Variants in PCDHGA5 observed in about 807,000 individuals in gnomAD.
PCDHGA5 encodes the protein protocadherin gamma-A5.
A neutral mutation model predicts 56.7 loss-of-function variants in PCDHGA5; 36 were observed. The observed-to-expected ratio is 0.64, with a 90% CI of 0.49 to 0.84. The LOEUF is 0.84. Among genes scored for constraint, PCDHGA5 ranks in the 40% least tolerant of loss-of-function variants. PCDHGA5 has a pLI of 0.00. For synonymous variants in PCDHGA5, 563 were observed against 520.2 expected, an observed-to-expected ratio of 1.08 and a Z score of -1.12; for missense variants, 1,305 against 1,201.5, an observed-to-expected ratio of 1.09 and a Z score of -1.27.
intron 1 of PCDHGA5, chr5:141,409,879 A>G (rs1175297210): frequency 1.9e-6 from 3 of 1,612,734 alleles, no homozygotes; most frequent in African/African-American, 2.7e-5. Flanking sequence ...ATGACAACGC[A>G]CCGCGGGTGC....
At chr5:141,453,351 C>A (rs1210851703) in intron 1 of PCDHGA5, among the ~76,000 whole-genome samples, 2 of 151,738 alleles carry the variant, frequency 1.3e-5, no homozygotes, top group Non-Finnish European at 2.9e-5. Flanking sequence ...CCAGGCTGAC[C>A]CTGAACTCCT....
chr5:141,456,984 C>G (rs374156327), intron 1 of PCDHGA5, among the ~76,000 whole-genome samples: 1 of 152,200 alleles, frequency 6.6e-6, no homozygotes, highest in East Asian at 1.9e-4. Flanking sequence ...AACAAACAAA[C>G]AAACAAAAAC....
chr5:141,497,960 C>T (rs946836523), intron 2 of PCDHGA5, among the ~76,000 whole-genome samples: 24 of 152,202 alleles, frequency 1.6e-4, no homozygotes, highest in African/African-American at 5.8e-4. Flanking sequence ...GTTGGCCAGG[C>T]AGTGTTCTCG....
chr5:141,421,222 C>G, intron 1 of PCDHGA5: 2 of 1,576,946 alleles, frequency 1.3e-6, no homozygotes, highest in Non-Finnish European at 1.7e-6. Flanking sequence ...CGGCTTAGAG[C>G]CTGCCATGGC....
At chr5:141,410,535 A>T (rs2095405545) in intron 1 of PCDHGA5, 9 of 1,613,752 alleles carry the variant, frequency 5.6e-6, no homozygotes, top group Non-Finnish European at 7.6e-6. Context: ...TCCAATGAAG[A>T]CATGGTTTGC....
intron 1 of PCDHGA5, chr5:141,415,810 T>C: frequency 7.4e-7 from 1 of 1,360,418 alleles, no homozygotes; most frequent in Non-Finnish European, 9.5e-7. Context: ...AATCAAGGCC[T>C]ATATATCATA....
At position 141,431,374 on chromosome 5, in the gene PCDHGA5, G is replaced by T. The variant is rs1561851775; in HGVS notation, c.2422-63433G>T. On this transcript the variant is annotated intron_variant, in intron 1 of 3. Coordinates refer to ENST00000518069, the MANE Select transcript of PCDHGA5 (RefSeq NM_018918.3). The surrounding 1 kb of genome is among the most constrained non-coding windows in gnomAD (Gnocchi z 4.8). ...AACGCGCCCTGGACCGCGAAGAAAA[G>T]GCTGCTCACCACCTGGTCCTTACGG... 1.9e-6 allele frequency: 3 copies of T among 1,613,862 alleles called. No individual in the cohort carries two copies. Among genetic ancestry groups the T allele is most frequent in the Non-Finnish European group, 2.5e-6 (3 of 1,180,044 alleles).
intron 1 of PCDHGA5, chr5:141,384,793 C>T (rs1780512284): frequency 1.9e-6 from 3 of 1,613,400 alleles, no homozygotes; most frequent in Non-Finnish European, 2.5e-6. Flanking sequence ...GGCTCGGGCC[C>T]TGCTGGACAG....
At chr5:141,413,181 C>T in intron 1 of PCDHGA5, 8 of 1,602,880 alleles carry the variant, frequency 5.0e-6, no homozygotes, top group Non-Finnish European at 6.8e-6. Context: ...CTACAATGGC[C>T]GCTCAAAGGA....
intron 1 of PCDHGA5, among the ~76,000 whole-genome samples, chr5:141,466,360 G>A (rs2099121274): frequency 6.6e-6 from 1 of 152,070 alleles, no homozygotes; most frequent in South Asian, 2.1e-4. Context: ...TAATCTAGAT[G>A]TAATGGTTTT....
At chr5:141,394,494 G>A (rs771645801) in intron 1 of PCDHGA5, 4 of 1,614,200 alleles carry the variant, frequency 2.5e-6, no homozygotes, top group Non-Finnish European at 1.7e-6. Flanking sequence ...CAACGCGCCC[G>A]AGATCCTGTA....
chr5:141,371,859 T>A (rs1314195914), intron 1 of PCDHGA5: 1 of 1,613,576 alleles, frequency 6.2e-7, no homozygotes, highest in Non-Finnish European at 8.5e-7. Context: ...CCTTGTCTCC[T>A]ACTACATCGT....
Position 141,477,818 on chromosome 5 carries a change from C to T in PCDHGA5, c.2422-16989C>T, listed in dbSNP as rs202009040. 33 of 1,614,040 alleles carry T rather than the reference C, an allele frequency of 2.0e-5. No homozygotes were observed. The highest frequency in any genetic ancestry group is 1.3e-4 in the Admixed American group (8 of 60,006). On this transcript the variant is annotated intron_variant, in intron 1 of 3. Transcript: ENST00000518069. This position sits in a 1 kb window ranked among gnomAD's most constrained non-coding sequence, Gnocchi z 4.9. ...TCGCAATGACAATGCCCCCCAGGTCCTATATCCTCGGCCAGGTGGGAGCTC... is the reference window on the plus strand; with the variant it reads ...TCGCAATGACAATGCCCCCCAGGTCTTATATCCTCGGCCAGGTGGGAGCTC...
chr5:141,365,398 C>T lies in PCDHGA5; in HGVS notation c.1068C>T (p.Ile356=). ...EVILTSLTSS[I]SEDCLPGTVI... is the part of the protein sequence containing the mutation. Reference sequence around the variant, plus strand: ...TCCTCACCTCTCTGACCAGTTCGATCTCTGAAGACTGTCTTCCCGGAACTG... The same window carrying T: ...TCCTCACCTCTCTGACCAGTTCGATTTCTGAAGACTGTCTTCCCGGAACTG... The change falls in exon 1 of 4, where the codon ATC becomes ATT. Residue 356 remains isoleucine, a synonymous_variant. Transcript: ENST00000518069. 1.2e-6 allele frequency: 2 copies of T among 1,613,978 alleles called. No homozygotes were observed. The highest frequency in any genetic ancestry group is 1.7e-6 in the Non-Finnish European group (2 of 1,179,894).
In PCDHGA5 at chr5:141,477,491, C is replaced by T; in HGVS notation, c.2422-17316C>T. 1 of 1,614,154 alleles carries T rather than the reference C, an allele frequency of 6.2e-7. No homozygotes were observed. The highest frequency in any genetic ancestry group is 8.5e-7 in the Non-Finnish European group (1 of 1,180,022). On this transcript the variant is annotated intron_variant, in intron 1 of 3. Coordinates refer to ENST00000518069, the MANE Select transcript of PCDHGA5 (RefSeq NM_018918.3). The surrounding 1 kb of genome is among the most constrained non-coding windows in gnomAD (Gnocchi z 4.9). ...CAATGACAACCCTCCACAATCTTCT[C>T]AATCTTCCTACGACGTTTACATTGA...
chr5:141,372,280 C>A, intron 1 of PCDHGA5: 2 of 1,613,164 alleles, frequency 1.2e-6, no homozygotes, highest in Non-Finnish European at 1.7e-6. Flanking sequence ...GTGCGCACGG[C>A]GCGTACCTTG....
At position 141,385,121 on chromosome 5, in the gene PCDHGA5, T is replaced by C. The variant is rs748623262; in HGVS notation, c.2421+18370T>C. On this transcript the variant is annotated intron_variant, in intron 1 of 3. Transcript: ENST00000518069. The stretch of plus-strand genomic sequence containing the variant: ...GCGAACGTGCCCACCTCGCACTTTG[T>C]GGGCATGGACGGGGTGCAGGCTTTC... 14 of 1,614,214 alleles carry C rather than the reference T, an allele frequency of 8.7e-6. No homozygotes were observed. The Admixed American group carries it at 2.3e-4, about 27-fold the overall frequency.
At position 141,380,161 on chromosome 5, in the gene PCDHGA5, A is replaced by G. The variant is rs552815003; in HGVS notation, c.2421+13410A>G. Among the ~76,000 whole-genome samples, 14 of 152,240 alleles carry G rather than the reference A, an allele frequency of 9.2e-5. No individual in the cohort carries two copies. In the South Asian group the frequency reaches 1.5e-3, roughly 16 times the overall value. On this transcript the variant is annotated intron_variant, in intron 1 of 3. Transcript: ENST00000518069. The stretch of plus-strand genomic sequence containing the variant: ...GTGATCCACCCGCCTCAGCCTCTCA[A>G]AGGGCTGGGATTACAGGCATGAGCC...
intron 1 of PCDHGA5, chr5:141,371,689 T>C: frequency 6.2e-7 from 1 of 1,613,982 alleles, no homozygotes; most frequent in Non-Finnish European, 8.5e-7. Flanking sequence ...AATCCACCGC[T>C]CTCCTCCAGC....
Sources: gnomAD v4.1 joint callset for allele counts (sites outside exome capture counted in the v4.1 genomes callset) on GRCh38, gnomAD v4.1.1 for gene constraint, Gnocchi (gnomAD v3.1) non-coding constraint, MANE v1.5 for transcripts, NCBI Gene and HGNC (gene_info 2026-07-23, HGNC 2026-07-21) for gene names.